Variants in SAMD4A observed in about 807,000 individuals in gnomAD.
The protein encoded by SAMD4A is protein Smaug homolog 1.
Under a neutral mutation model 81.3 loss-of-function variants are expected in SAMD4A, and 33 were observed. The ratio of observed to expected loss-of-function variants is 0.41; its 90% CI spans 0.31 to 0.54. The LOEUF is 0.54. Ranked by LOEUF, SAMD4A falls within the 20% of genes least tolerant of loss-of-function variation. The pLI, the probability that SAMD4A is intolerant of heterozygous loss-of-function variation, is 0.37. For synonymous variants in SAMD4A, 389 were observed against 382.1 expected, an observed-to-expected ratio of 1.02 and a Z score of -0.21; for missense variants, 854 against 951.1, an observed-to-expected ratio of 0.90 and a Z score of 1.34.
intron 2 of SAMD4A, chr14:54,690,044 C>A (rs1260640498): frequency 1.3e-5 from 2 of 152,202 alleles, no homozygotes; most frequent in East Asian, 1.9e-4. Flanking sequence ...GTGCATGAAT[C>A]TTTTTTGGAC....
At chr14:54,770,764 A>C (rs1175947854) in intron 9 of SAMD4A, among the ~76,000 whole-genome samples, 1 of 152,246 alleles carries the variant, frequency 6.6e-6, no homozygotes, top group Non-Finnish European at 1.5e-5. Context: ...GCAGTTAAAA[A>C]TAAGCCTGGT....
intron 2 of SAMD4A, among the ~76,000 whole-genome samples, chr14:54,627,092 A>G (rs1314889163): frequency 1.3e-5 from 2 of 152,240 alleles, no homozygotes; most frequent in Non-Finnish European, 2.9e-5. Context: ...CGGAAAAATT[A>G]CATAACTATA....
chr14:54,712,632 T>C, intron 3 of SAMD4A, among the ~76,000 whole-genome samples: 1 of 152,150 alleles, frequency 6.6e-6, no homozygotes, highest in African/African-American at 2.4e-5. Context: ...CTAGTGTCTG[T>C]TTTCCAAGGC....
chr14:54,654,657 T>A (rs1325831893), intron 2 of SAMD4A, among the ~76,000 whole-genome samples: 2 of 152,178 alleles, frequency 1.3e-5, no homozygotes, highest in African/African-American at 2.4e-5. Flanking sequence ...AAGAATAAAA[T>A]CTCAGAATGA....
At chr14:54,594,146 C>A (rs1020806594) in intron 2 of SAMD4A, among the ~76,000 whole-genome samples, 1 of 152,154 alleles carries the variant, frequency 6.6e-6, no homozygotes, top group Non-Finnish European at 1.5e-5. Context: ...AAGTAAAAGT[C>A]TTCCATAACC....
rs144134203 is a variant in SAMD4A at position 54,791,878 on chromosome 14, A to C, written c.*2934A>C. ...TTTTTGTATTTACCCATTGACCCCC[A>C]CCAAATGCAACTGTTTTATATTAAG... is the stretch of plus-strand genomic sequence containing the variant. On this transcript the variant is annotated 3_prime_UTR_variant, in exon 13 of 13. Coordinates refer to ENST00000554335, the MANE Select transcript of SAMD4A (RefSeq NM_015589.6). 1.3e-5 allele frequency: 2 copies of C among 152,298 alleles called. No individual in the cohort carries two copies. The highest frequency in any genetic ancestry group is 3.9e-4 in the East Asian group (2 of 5,184). 9.4% of individuals were successfully genotyped at this position (152,298 alleles called of 1,614,324 possible). A position where few individuals can be genotyped will look rare whatever the true frequency, so the allele number is the denominator to read the frequency against.
chr14:54,782,872 CTCTT>C (rs1268129273), intron 11 of SAMD4A, among the ~76,000 whole-genome samples: 1 of 152,220 alleles, frequency 6.6e-6, no homozygotes, highest in African/African-American at 2.4e-5. Flanking sequence ...CGTTTCACTT[CTCTT>C]TCTTCTCTCT....
At chr14:54,677,199 A>T (rs2036011482) in intron 2 of SAMD4A, among the ~76,000 whole-genome samples, 1 of 152,210 alleles carries the variant, frequency 6.6e-6, no homozygotes, top group African/African-American at 2.4e-5. Context: ...ACTGTCCTTG[A>T]AAAGCTATTT....
chr14:54,578,134 G>A (rs2033359028), intron 2 of SAMD4A, among the ~76,000 whole-genome samples: 1 of 152,302 alleles, frequency 6.6e-6, no homozygotes, highest in East Asian at 1.9e-4. Flanking sequence ...ATGAGATGAG[G>A]TAGGAACTGC....
intron 2 of SAMD4A, among the ~76,000 whole-genome samples, chr14:54,618,976 T>G (rs2140294888): frequency 6.6e-6 from 1 of 152,330 alleles, no homozygotes; most frequent in East Asian, 1.9e-4. Context: ...AAAAATTTGA[T>G]TTTTTGTATA....
At chr14:54,612,786 C>T (rs1024481331) in intron 2 of SAMD4A, among the ~76,000 whole-genome samples, 5 of 152,012 alleles carry the variant, frequency 3.3e-5, no homozygotes, top group Admixed American at 1.3e-4. Context: ...GAAGACTACC[C>T]GAGGCAGTCA....
intron 2 of SAMD4A, among the ~76,000 whole-genome samples, chr14:54,668,082 T>C (rs1434072925): frequency 6.6e-6 from 1 of 152,206 alleles, no homozygotes; most frequent in East Asian, 1.9e-4. Flanking sequence ...TGCCCATTGT[T>C]TTATAACACA....
At chr14:54,724,538 C>T (rs554735953) in intron 3 of SAMD4A, among the ~76,000 whole-genome samples, 11 of 152,322 alleles carry the variant, frequency 7.2e-5, no homozygotes, top group African/African-American at 2.6e-4. Flanking sequence ...TGTGCACTCT[C>T]CTGCGGCCTC....
intron 4 of SAMD4A, among the ~76,000 whole-genome samples, chr14:54,742,123 G>A (rs553359752): frequency 3.5e-4 from 53 of 152,140 alleles, no homozygotes; most frequent in Non-Finnish European, 6.2e-4. Context: ...GTAATTGAGG[G>A]GGAAAAGGAA....
chr14:54,586,843 T>G (rs1566534121), intron 2 of SAMD4A, among the ~76,000 whole-genome samples: 1 of 152,226 alleles, frequency 6.6e-6, no homozygotes, highest in Non-Finnish European at 1.5e-5. Flanking sequence ...TAGTATAGTT[T>G]GAAGTCAGGT....
chr14:54,611,982 C>T (rs927447863), intron 2 of SAMD4A, among the ~76,000 whole-genome samples: 1 of 152,046 alleles, frequency 6.6e-6, no homozygotes, highest in Non-Finnish European at 1.5e-5. Context: ...ATCCTCTGAT[C>T]ATGCCGTCAC....
chr14:54,779,949 T>C (rs2038959312), intron 11 of SAMD4A, among the ~76,000 whole-genome samples: 1 of 152,148 alleles, frequency 6.6e-6, no homozygotes, highest in South Asian at 2.1e-4. Context: ...ACTAGATAAC[T>C]GGTTTGGAAA....
At position 54,793,308 on chromosome 14, in the gene SAMD4A, T is replaced by C. The variant is rs2039290542; in HGVS notation, c.*4364T>C. 6.6e-6 allele frequency: 1 copy of C among 152,160 alleles called. No homozygotes were observed. The highest frequency in any genetic ancestry group is 6.5e-5 in the Admixed American group (1 of 15,280). 9.4% of individuals were successfully genotyped at this position (152,160 alleles called of 1,614,324 possible). A position where few individuals can be genotyped will look rare whatever the true frequency, so the allele number is the denominator to read the frequency against. ...GGGAAATGATTAATACAAGGTTTTGTAACACTGGTGTGTCTTTTTCTTTTT... is the reference window on the plus strand; with the variant it reads ...GGGAAATGATTAATACAAGGTTTTGCAACACTGGTGTGTCTTTTTCTTTTT... On this transcript the variant is annotated 3_prime_UTR_variant, in exon 13 of 13. Coordinates refer to ENST00000554335, the MANE Select transcript of SAMD4A (RefSeq NM_015589.6).
At chr14:54,647,600 T>G (rs1248415639) in intron 2 of SAMD4A, among the ~76,000 whole-genome samples, 2 of 152,204 alleles carry the variant, frequency 1.3e-5, no homozygotes, top group Non-Finnish European at 1.5e-5. Flanking sequence ...AGAATAAATA[T>G]TTACTCTGCG....
Sources: gnomAD v4.1 joint callset for allele counts (sites outside exome capture counted in the v4.1 genomes callset) on GRCh38, gnomAD v4.1.1 for gene constraint, MANE v1.5 for transcripts, NCBI Gene and HGNC (gene_info 2026-07-23, HGNC 2026-07-21) for gene names.